Variants in FMN2 observed in about 807,000 individuals in gnomAD.
FMN2 encodes the protein formin-2.
Under a neutral mutation model 142.3 loss-of-function variants are expected in FMN2, and 51 were observed. The ratio of observed to expected loss-of-function variants is 0.36; its 90% CI spans 0.29 to 0.45. The LOEUF (loss-of-function observed/expected upper bound fraction) is 0.45. Among genes scored for constraint, FMN2 ranks in the 20% least tolerant of loss-of-function variants. FMN2 has a pLI of 1.00. For synonymous variants in FMN2, 882 were observed against 869.8 expected (o/e 1.01, Z -0.25); for missense variants, 1,936 against 2,122.8 (o/e 0.91, Z 1.73).
intron 2 of FMN2, among the ~76,000 whole-genome samples, chr1:240,139,483 G>T (rs559806690): frequency 6.6e-6 from 1 of 152,258 alleles, no homozygotes; most frequent in East Asian, 1.9e-4. Flanking sequence ...GAAAGTGCCA[G>T]TAGAATGGGA....
intron 6 of FMN2, among the ~76,000 whole-genome samples, chr1:240,251,377 A>G (rs1348720781): frequency 6.6e-6 from 1 of 151,974 alleles, no homozygotes; most frequent in African/African-American, 2.4e-5. Context: ...GTATTTGTGC[A>G]GTTTCTAAAG....
intron 1 of FMN2, among the ~76,000 whole-genome samples, chr1:240,098,255 C>T (rs963630370): frequency 2.0e-5 from 3 of 151,886 alleles, no homozygotes; most frequent in African/African-American, 7.3e-5. Flanking sequence ...GCGCCCATGA[C>T]CACACCCAGC....
In FMN2 at chr1:240,136,549, A is replaced by C. The variant is rs1265640603; in HGVS notation, c.1782+13204A>C. On this transcript the variant is annotated intron_variant, in intron 2 of 17. Coordinates refer to ENST00000319653, the MANE Select transcript of FMN2 (RefSeq NM_020066.5). ...ATCCATTTTGACTTTCACAACTGGT[A>C]CTTTTTTTTAATCACCCATTTGGCA... 2.0e-5 allele frequency among the ~76,000 whole-genome samples: 3 copies of C among 152,138 alleles called. No individual in the cohort carries two copies. The East Asian group carries it at 5.8e-4, about 29-fold the overall frequency.
intron 15 of FMN2, among the ~76,000 whole-genome samples, chr1:240,405,279 A>T (rs931477840): frequency 2.0e-5 from 3 of 152,226 alleles, no homozygotes; most frequent in South Asian, 2.1e-4. Flanking sequence ...TTTGTTTTTT[A>T]AAAAAATAGA....
chr1:240,225,279 A>T (rs147096824), intron 6 of FMN2, among the ~76,000 whole-genome samples: 1 of 152,328 alleles, frequency 6.6e-6, no homozygotes, highest in African/African-American at 2.4e-5. Flanking sequence ...CATGGTAGAA[A>T]AAATTGGTAA....
chr1:240,256,467 A>G (rs77514854), intron 6 of FMN2, among the ~76,000 whole-genome samples: 4,199 of 151,886 alleles, frequency 0.028, 188 homozygotes, highest in African/African-American at 0.096. Context: ...GCCAGGCAGC[A>G]GTGGTTTATG....
intron 14 of FMN2, among the ~76,000 whole-genome samples, chr1:240,378,633 T>A (rs1465137227): frequency 2.6e-5 from 4 of 152,224 alleles, no homozygotes; most frequent in Admixed American, 2.6e-4. Context: ...AGTTCATCAA[T>A]ATTCTGCTCT....
intron 14 of FMN2, among the ~76,000 whole-genome samples, chr1:240,362,569 C>A (rs921151368): frequency 6.6e-6 from 1 of 151,994 alleles, no homozygotes; most frequent in Non-Finnish European, 1.5e-5. Context: ...AGTATACACA[C>A]AAAAAACATA....
intron 15 of FMN2, among the ~76,000 whole-genome samples, chr1:240,410,162 G>GAAA: frequency 6.7e-6 from 1 of 149,238 alleles, no homozygotes. Context: ...ACATAAATCT[G>GAAA]AAAAAAAAAA....
chr1:240,348,857 T>A (rs1334941578), intron 13 of FMN2, among the ~76,000 whole-genome samples: 3 of 152,186 alleles, frequency 2.0e-5, no homozygotes, highest in Non-Finnish European at 4.4e-5. Context: ...TTTTGTTTGT[T>A]TTGTTTTGCT....
intron 7 of FMN2, among the ~76,000 whole-genome samples, chr1:240,280,496 T>C (rs971776051): frequency 1.3e-5 from 2 of 152,202 alleles, no homozygotes; most frequent in Non-Finnish European, 2.9e-5. Context: ...TTTTAGAGCA[T>C]GTGTTAGAAA....
chr1:240,359,179 A>G (rs1672380406), intron 14 of FMN2, among the ~76,000 whole-genome samples: 1 of 152,280 alleles, frequency 6.6e-6, no homozygotes, highest in African/African-American at 2.4e-5. Flanking sequence ...CTTTGCCCCC[A>G]TGTTTCTTCT....
At chr1:240,390,635 G>A (rs1439937840) in intron 14 of FMN2, among the ~76,000 whole-genome samples, 8 of 152,222 alleles carry the variant, frequency 5.3e-5, no homozygotes, top group Non-Finnish European at 1.5e-5. Context: ...AGATCTTCAG[G>A]TCCAGAATTT....
intron 16 of FMN2, chr1:240,458,090 A>G (rs1301985294): frequency 1.3e-5 from 2 of 152,328 alleles, no homozygotes; most frequent in East Asian, 1.9e-4. Context: ...AGGCATTGGT[A>G]TATGTAAAGG....
At chr1:240,125,304 C>A (rs1261694987) in intron 2 of FMN2, among the ~76,000 whole-genome samples, 1 of 152,148 alleles carries the variant, frequency 6.6e-6, no homozygotes, top group Non-Finnish European at 1.5e-5. Flanking sequence ...TGTGAAGTTT[C>A]CTTCCTGAGA....
At chr1:240,415,753 A>G (rs996604781) in intron 15 of FMN2, among the ~76,000 whole-genome samples, 2 of 152,206 alleles carry the variant, frequency 1.3e-5, no homozygotes, top group Non-Finnish European at 2.9e-5. Context: ...TTGCAGTGCA[A>G]TGCAGTAAGT....
chr1:240,244,488 A>G (rs1205961809), intron 6 of FMN2, among the ~76,000 whole-genome samples: 1 of 152,218 alleles, frequency 6.6e-6, no homozygotes, highest in Non-Finnish European at 1.5e-5. Flanking sequence ...AATAAACACC[A>G]TGTTGACTGA....
intron 1 of FMN2, among the ~76,000 whole-genome samples, chr1:240,102,704 A>G (rs1661456041): frequency 6.6e-6 from 1 of 152,114 alleles, no homozygotes; most frequent in South Asian, 2.1e-4. Context: ...GTCTCTGTTC[A>G]ATTTTTAGAA....
At chr1:240,143,547 C>T (rs1240900791) in intron 2 of FMN2, 38 of 1,598,946 alleles carry the variant, frequency 2.4e-5, no homozygotes, top group Non-Finnish European at 3.3e-5. Context: ...AAACGTGGAG[C>T]AGCTGCTGCA....
Sources: allele counts gnomAD v4.1 joint callset (sites outside exome capture counted in the v4.1 genomes callset), GRCh38; gene constraint gnomAD v4.1.1; transcripts MANE v1.5; gene names NCBI Gene and HGNC (gene_info 2026-07-23, HGNC 2026-07-21).